Variants in SFRP2 observed in about 807,000 individuals in gnomAD.
The protein encoded by SFRP2 is secreted frizzled-related protein 2.
SFRP2 carries 16 observed loss-of-function variants against 26.0 expected under a neutral mutation model. That is an observed-to-expected ratio of 0.61 (90% CI 0.42 to 0.93). The LOEUF (loss-of-function observed/expected upper bound fraction) is 0.93. Ranked by LOEUF, SFRP2 falls within the 40% of genes least tolerant of loss-of-function variation. The probability of loss-of-function intolerance (pLI) is 0.00; values close to 1 mark genes in which losing one functional copy is unlikely to be tolerated. For missense variants in SFRP2, 343 were observed against 392.4 expected, an observed-to-expected ratio of 0.87 and a Z score of 1.06; for synonymous variants, 173 against 167.3, an observed-to-expected ratio of 1.03 and a Z score of -0.26.
At chr4:153,782,982 C>CT (rs199676638) in intron 2 of SFRP2, among the ~76,000 whole-genome samples, 9,912 of 139,590 alleles carry the variant, frequency 0.071, 740 homozygotes, top group East Asian at 0.21. Context: ...TTGAGATTTT[C>CT]TTTTTTTTTT....
chr4:153,785,977 T>C, intron 1 of SFRP2, 33 bp from the exon 2 acceptor site: 1 of 1,454,234 alleles, frequency 6.9e-7, no homozygotes, highest in Non-Finnish European at 9.4e-7. Flanking sequence ...TTAGTAAGTT[T>C]GCTTAAAAGA....
Position 153,788,383 on chromosome 4 carries a change from A to C in SFRP2, c.453T>G (p.Leu151=). ...GGTCGCTGCTAGCGAGGGGGATGCA[A>C]AGGTCGTTGTCCTGGGGGAAACGGT... The part of the protein sequence containing the change: ...ECDRFPQDND[L]CIPLASSDHL... Residue 151 remains leucine (L), a synonymous_variant, in exon 1 of 3, where the codon CTT becomes CTG. Transcript: ENST00000274063. 4 of 1,613,648 alleles carry C rather than the reference A, an allele frequency of 2.5e-6. No homozygotes were observed. Among genetic ancestry groups the C allele is most frequent in the Non-Finnish European group, 3.4e-6 (4 of 1,179,962 alleles).
chr4:153,781,123 A>T lies in SFRP2; in HGVS notation c.*328T>A, dbSNP rs1273888296. On this transcript the variant is annotated 3_prime_UTR_variant, in exon 3 of 3. Coordinates refer to ENST00000274063, the MANE Select transcript of SFRP2 (RefSeq NM_003013.3). ...TCAAAACAACAAACAACAACCAACC[A>T]GACCCAAGTCACAGTTGCACCTATT... is the stretch of plus-strand genomic sequence containing the variant. 2 of 252,356 alleles carry T rather than the reference A, an allele frequency of 7.9e-6. No homozygotes were observed. 15.6% of individuals were successfully genotyped at this position (252,356 alleles called of 1,614,324 possible). A position where few individuals can be genotyped will look rare whatever the true frequency, so the allele number is the denominator to read the frequency against.
chr4:153,782,918 CTA>C (rs10537931), intron 2 of SFRP2, among the ~76,000 whole-genome samples: 108,147 of 151,694 alleles, frequency 0.71, 38,499 homozygotes, highest in East Asian at 0.79. Context: ...GGAGTTTAAT[CTA>C]TGTTTAAATT....
intron 2 of SFRP2, among the ~76,000 whole-genome samples, chr4:153,783,595 T>C (rs1741156221): frequency 6.6e-6 from 1 of 152,176 alleles, no homozygotes; most frequent in Admixed American, 6.5e-5. Context: ...TACTTTCTGG[T>C]CCTACAATAG....
At position 153,788,589 on chromosome 4, in the gene SFRP2, C is replaced by T. The variant is rs772075948; in HGVS notation, c.247G>A (p.Val83Ile). ...GTGTCCGGGTGGCACTGCTTCATGA[C>T]CAGCGGGATCCAAGCGCCGGCCTGC... ...LEQAGAWIPLVMKQCHPDTKK... is the reference protein window; with the variant it reads ...LEQAGAWIPLIMKQCHPDTKK... Residue 83 changes from valine to isoleucine, a missense_variant, in exon 1 of 3, where the codon GTC becomes ATC. Transcript: ENST00000274063. 88 of 1,614,038 alleles carry T rather than the reference C, an allele frequency of 5.5e-5. No individual in the cohort carries two copies. The Middle Eastern group carries it at 1.6e-3, about 30-fold the overall frequency.
rs780386874 is a variant in SFRP2, at chr4:153,788,422, G to A, written c.414C>T (p.Asp138=). 3.2e-5 allele frequency: 51 copies of A among 1,614,122 alleles called. No homozygotes were observed. In the South Asian group the frequency reaches 4.5e-4, roughly 14 times the overall value. ...VMSAFGFPWP[D]MLECDRFPQD... is the part of the protein sequence containing the mutation. ...GGGGGAAACGGTCGCACTCAAGCAT[G>A]TCGGGCCAGGGGAAGCCGAAGGCGG... Residue 138 remains aspartate (D), a synonymous_variant, in exon 1 of 3, where the codon GAC becomes GAT. Coordinates refer to ENST00000274063, the MANE Select transcript of SFRP2 (RefSeq NM_003013.3).
chr4:153,783,636 A>C (rs1741156679), intron 2 of SFRP2, among the ~76,000 whole-genome samples: 1 of 152,172 alleles, frequency 6.6e-6, no homozygotes. Flanking sequence ...GTTCTGAACC[A>C]TTTTTTATTC....
chr4:153,783,551 G>A (rs1741155848), intron 2 of SFRP2, among the ~76,000 whole-genome samples: 1 of 152,196 alleles, frequency 6.6e-6, no homozygotes, highest in African/African-American at 2.4e-5. Flanking sequence ...ATGTGACTGA[G>A]GATGCAGGAT....
In SFRP2 at chr4:153,781,523, C is replaced by T. The variant is rs1035170202; in HGVS notation, c.816G>A (p.Ser272=). The change falls in exon 3 of 3, where the codon TCG becomes TCA. Residue 272 remains serine (S), a synonymous_variant. Transcript: ENST00000274063. ...QKQGGELVIT[S]VKRWQKGQRE... ...TCTGCCCCTTCTGCCACCGCTTCAC[C>T]GAGGTGATCACCAGCTCCCCACCCT... is the stretch of plus-strand genomic sequence containing the variant. 2 of 1,614,184 alleles carry T rather than the reference C, an allele frequency of 1.2e-6. No individual in the cohort carries two copies. Among genetic ancestry groups the T allele is most frequent in the Middle Eastern group, 1.6e-4 (1 of 6,062 alleles).
At chr4:153,785,122 C>CT (rs1208833105) in intron 2 of SFRP2, among the ~76,000 whole-genome samples, 1 of 152,136 alleles carries the variant, frequency 6.6e-6, no homozygotes, top group South Asian at 2.1e-4. Context: ...ACCATGTGAT[C>CT]TATCATGTAT....
intron 2 of SFRP2, among the ~76,000 whole-genome samples, chr4:153,782,422 C>T (rs1219651644): frequency 1.3e-5 from 2 of 152,112 alleles, no homozygotes; most frequent in Non-Finnish European, 1.5e-5. Context: ...AAGGCCAAGG[C>T]GTTTACGGAT....
At chr4:153,784,633 C>T (rs1160662904) in intron 2 of SFRP2, among the ~76,000 whole-genome samples, 1 of 152,116 alleles carries the variant, frequency 6.6e-6, no homozygotes, top group African/African-American at 2.4e-5. Context: ...CCTGACCAGG[C>T]CTGAGATTTC....
At chr4:153,781,895 C>G in intron 2 of SFRP2, 140 bp from the exon 3 acceptor site, 1 of 726,622 alleles carries the variant, frequency 1.4e-6, no homozygotes, top group Non-Finnish European at 2.3e-6. Context: ...TCAGAGGCTG[C>G]AGATCGGGGG....
At chr4:153,788,281 C>A in intron 1 of SFRP2, 53 bp downstream of exon 1, 1 of 1,570,392 alleles carries the variant, frequency 6.4e-7, no homozygotes, top group Non-Finnish European at 8.7e-7. Context: ...GGCGGGATCT[C>A]CTGGGAGCGT....
In SFRP2 at chr4:153,781,169, G is replaced by C; in HGVS notation, c.*282C>G. 2.4e-6 allele frequency: 1 copy of C among 418,428 alleles called. No individual in the cohort carries two copies. Among genetic ancestry groups the C allele is most frequent in the South Asian group, 4.2e-5 (1 of 23,644 alleles). The allele number at this position is 418,428 out of a possible 1,614,324, so 25.9% of individuals were successfully genotyped here. A position where few individuals can be genotyped will look rare whatever the true frequency, so the allele number is the denominator to read the frequency against. On this transcript the variant is annotated 3_prime_UTR_variant, in exon 3 of 3. Coordinates refer to ENST00000274063, the MANE Select transcript of SFRP2 (RefSeq NM_003013.3). ...CTATTCAAAACTAGCTTTAAAGTGAGCTATTTTTAAACTTCATAAAAATAT... is the reference window on the plus strand; with the variant it reads ...CTATTCAAAACTAGCTTTAAAGTGACCTATTTTTAAACTTCATAAAAATAT...
At chr4:153,782,985 T>TC (rs1310313343) in intron 2 of SFRP2, among the ~76,000 whole-genome samples, 1 of 151,408 alleles carries the variant, frequency 6.6e-6, no homozygotes, top group African/African-American at 2.4e-5. Flanking sequence ...AGATTTTCTT[T>TC]TTTTTTTTTT....
intron 2 of SFRP2, among the ~76,000 whole-genome samples, chr4:153,782,982 CT>C (rs199676638): frequency 0.052 from 7,250 of 139,164 alleles, 258 homozygotes; most frequent in East Asian, 0.21. Context: ...TTGAGATTTT[CT>C]TTTTTTTTTT....
At chr4:153,788,075 T>C (rs1028064222) in intron 1 of SFRP2, among the ~76,000 whole-genome samples, 7 of 152,226 alleles carry the variant, frequency 4.6e-5, no homozygotes, top group Non-Finnish European at 8.8e-5. Context: ...TGTTTTTGTT[T>C]GTTTGTTTTA....
Sources: allele counts gnomAD v4.1 joint callset (sites outside exome capture counted in the v4.1 genomes callset), GRCh38; gene constraint gnomAD v4.1.1; transcripts MANE v1.5; gene names NCBI Gene and HGNC (gene_info 2026-07-23, HGNC 2026-07-21).